Variants in PDE4D observed in about 807,000 individuals in gnomAD.
PDE4D encodes 3',5'-cyclic-AMP phosphodiesterase 4D.
PDE4D carries 24 observed loss-of-function variants against 87.4 expected under a neutral mutation model. That is an observed-to-expected ratio of 0.27 (90% confidence interval 0.20 to 0.39). PDE4D has a LOEUF of 0.39. Ranked by LOEUF, PDE4D falls within the 10% of genes least tolerant of loss-of-function variation. The pLI, the probability that PDE4D is intolerant of heterozygous loss-of-function variation, is 1.00. For missense variants in PDE4D, 714 were observed against 1,041.0 expected, an observed-to-expected ratio of 0.69 and a Z score of 4.32; for synonymous variants, 384 against 383.2, an observed-to-expected ratio of 1.00 and a Z score of -0.02.
intron 3 of PDE4D, among the ~76,000 whole-genome samples, chr5:59,921,040 TG>T (rs1754613530): frequency 6.6e-6 from 1 of 152,168 alleles, no homozygotes; most frequent in South Asian, 2.1e-4. Flanking sequence ...CTCATAGTGT[TG>T]GTGTGAACAT....
chr5:59,820,149 A>G (rs1769464159), intron 1 of PDE4D, among the ~76,000 whole-genome samples: 1 of 152,212 alleles, frequency 6.6e-6, no homozygotes, highest in Admixed American at 6.5e-5. Context: ...TACCTTTTCC[A>G]GGATTCATCT....
At chr5:60,440,423 A>G (rs1745112920) in intron 1 of PDE4D, among the ~76,000 whole-genome samples, 1 of 152,176 alleles carries the variant, frequency 6.6e-6, no homozygotes, top group Non-Finnish European at 1.5e-5. Flanking sequence ...TAATTAAACT[A>G]AGCCAACATG....
intron 1 of PDE4D, among the ~76,000 whole-genome samples, chr5:60,432,323 G>C (rs1278043970): frequency 6.6e-6 from 1 of 152,162 alleles, no homozygotes; most frequent in Admixed American, 6.5e-5. Flanking sequence ...AGTTTCAGTA[G>C]GAATGGTACC....
At chr5:59,452,955 CT>C (rs59729469) in intron 1 of PDE4D, among the ~76,000 whole-genome samples, 2,581 of 132,126 alleles carry the variant, frequency 0.02, 39 homozygotes, top group African/African-American at 0.044. Flanking sequence ...GCAGAGATGG[CT>C]TTTTTTTTTT....
chr5:60,101,491 C>A (rs1028764575), intron 2 of PDE4D, among the ~76,000 whole-genome samples: 4 of 151,954 alleles, frequency 2.6e-5, no homozygotes, highest in African/African-American at 7.2e-5. Flanking sequence ...ACCTCCAGTG[C>A]GAAGGTAAAC....
Position 59,284,040 on chromosome 5 carries a change from G to A in PDE4D, c.456-68072C>T, listed in dbSNP as rs572807985. Among the ~76,000 whole-genome samples, 3 of 152,228 alleles carry A rather than the reference G, an allele frequency of 2.0e-5. No homozygotes were observed. In the East Asian group the frequency reaches 5.8e-4, roughly 29 times the overall value. The stretch of plus-strand genomic sequence containing the variant: ...CTGGGATTAAATGAGAAAACATGCT[G>A]TCCAATCTGCAATCCCTTGCTCTTG... On this transcript the variant is annotated intron_variant, in intron 1 of 14. Coordinates refer to ENST00000340635, the MANE Select transcript of PDE4D (RefSeq NM_001104631.2).
chr5:60,493,424 G>T (rs1021484948), intron 1 of PDE4D, among the ~76,000 whole-genome samples: 1 of 152,140 alleles, frequency 6.6e-6, no homozygotes, highest in Non-Finnish European at 1.5e-5. Context: ...ATGTTGAAGC[G>T]AATTATATTT....
At chr5:59,388,972 C>A (rs1787682661) in intron 1 of PDE4D, among the ~76,000 whole-genome samples, 1 of 151,818 alleles carries the variant, frequency 6.6e-6, no homozygotes, top group Non-Finnish European at 1.5e-5. Flanking sequence ...GCTTTTACCC[C>A]CAAACCTTCT....
At chr5:59,269,313 T>G (rs1038990923) in intron 1 of PDE4D, among the ~76,000 whole-genome samples, 2 of 152,166 alleles carry the variant, frequency 1.3e-5, no homozygotes, top group African/African-American at 4.8e-5. Flanking sequence ...CAGTGTTTAG[T>G]GCATGATTTT....
chr5:60,298,495 T>C (rs1753614095), intron 1 of PDE4D, among the ~76,000 whole-genome samples: 1 of 152,152 alleles, frequency 6.6e-6, no homozygotes, highest in South Asian at 2.1e-4. Context: ...GGAAAAACAA[T>C]TACTATATTT....
At chr5:60,185,508 G>A in intron 2 of PDE4D, 6 of 1,264,400 alleles carry the variant, frequency 4.7e-6, no homozygotes, top group East Asian at 2.6e-5. Context: ...AAACTAAAAT[G>A]TTATATGTAC....
intron 1 of PDE4D, among the ~76,000 whole-genome samples, chr5:59,385,533 A>C (rs434422): frequency 1.3e-5 from 2 of 151,888 alleles, no homozygotes; most frequent in Non-Finnish European, 2.9e-5. Flanking sequence ...GGTAGGAGGC[A>C]AGGTTTCAGC....
intron 2 of PDE4D, among the ~76,000 whole-genome samples, chr5:60,070,652 T>G (rs1419927854): frequency 2.6e-5 from 4 of 152,092 alleles, no homozygotes; most frequent in Non-Finnish European, 5.9e-5. Context: ...CCTATAGTTT[T>G]GTTTTCTTGT....
intron 1 of PDE4D, among the ~76,000 whole-genome samples, chr5:59,580,076 T>A (rs1823836652): frequency 6.6e-6 from 1 of 152,214 alleles, no homozygotes; most frequent in Non-Finnish European, 1.5e-5. Flanking sequence ...AGGGTAAATC[T>A]GCTTATTTTC....
intron 2 of PDE4D, among the ~76,000 whole-genome samples, chr5:59,198,384 T>C (rs1232487622): frequency 6.6e-6 from 1 of 151,716 alleles, no homozygotes. Context: ...AGAGATGAGA[T>C]TGGTACCAAG....
intron 1 of PDE4D, among the ~76,000 whole-genome samples, chr5:59,407,089 A>G (rs1219980835): frequency 2.0e-5 from 3 of 152,186 alleles, no homozygotes; most frequent in Non-Finnish European, 4.4e-5. Flanking sequence ...GTCCCCTCCA[A>G]TTCTCATGTT....
intron 4 of PDE4D, among the ~76,000 whole-genome samples, chr5:59,183,924 C>A (rs1049290516): frequency 2.6e-5 from 4 of 152,088 alleles, no homozygotes; most frequent in African/African-American, 9.7e-5. Flanking sequence ...CAGGAGCATC[C>A]CAACAGACAA....
chr5:60,205,250 C>A (rs1344731582), intron 1 of PDE4D, among the ~76,000 whole-genome samples: 1 of 152,156 alleles, frequency 6.6e-6, no homozygotes, highest in Non-Finnish European at 1.5e-5. Context: ...TGTGATGGGC[C>A]GGCCCATGGG....
intron 1 of PDE4D, among the ~76,000 whole-genome samples, chr5:59,248,051 A>C (rs991069012): frequency 1.0e-4 from 15 of 148,720 alleles, no homozygotes; most frequent in Admixed American, 3.4e-4. Context: ...GTAAAAAAAA[A>C]AAAAAAAAAA....
Sources: allele counts gnomAD v4.1 joint callset (sites outside exome capture counted in the v4.1 genomes callset), GRCh38; gene constraint gnomAD v4.1.1; transcripts MANE v1.5; gene names NCBI Gene and HGNC (gene_info 2026-07-23, HGNC 2026-07-21).